Variants in NPR3 observed in about 807,000 individuals in gnomAD.
The protein encoded by NPR3 is natriuretic peptide receptor 3, also known as atrial natriuretic peptide receptor 3.
In NPR3, 34 loss-of-function variants were observed where a neutral mutation model predicts 54.5. That is an observed-to-expected ratio of 0.62 (90% CI 0.47 to 0.83). The LOEUF is 0.83. Ranked by LOEUF, NPR3 falls within the 40% of genes least tolerant of loss-of-function variation. The probability of loss-of-function intolerance (pLI) is 0.00; values close to 1 mark genes in which losing one functional copy is unlikely to be tolerated. For missense variants in NPR3, 674 were observed against 720.8 expected, an observed-to-expected ratio of 0.94 and a Z score of 0.74; for synonymous variants, 289 against 297.1, an observed-to-expected ratio of 0.97 and a Z score of 0.28.
In NPR3 at chr5:32,712,085, C is replaced by T. The variant is rs1561074830; in HGVS notation, c.309C>T (p.Tyr103=). 5 of 1,613,696 alleles carry T rather than the reference C, an allele frequency of 3.1e-6. No homozygotes were observed. Among genetic ancestry groups the T allele is most frequent in the Non-Finnish European group, 4.2e-6 (5 of 1,179,820 alleles). The change falls in exon 1 of 8, where the codon TAC becomes TAT. Residue 103 remains tyrosine, a synonymous_variant. Coordinates refer to ENST00000265074, the MANE Select transcript of NPR3 (RefSeq NM_001204375.2). ...CGGGCACTCGCTTCCAGGTGGCTTA[C>T]GAGGATTCAGACTGTGGGAACCGTG... ...LPPGTRFQVA[Y]EDSDCGNRAL...
rs1738249143 is a variant in NPR3, at chr5:32,711,803, C to G, written c.27C>G (p.Phe9Leu). 7 of 1,442,598 alleles carry G rather than the reference C, an allele frequency of 4.9e-6. No homozygotes were observed. Among genetic ancestry groups the G allele is most frequent in the Non-Finnish European group, 6.4e-6 (7 of 1,097,244 alleles). 89.4% of individuals were successfully genotyped at this position (1,442,598 alleles called of 1,614,324 possible). A position where few individuals can be genotyped will look rare whatever the true frequency, so the allele number is the denominator to read the frequency against. ...TGCCGTCTCTGCTGGTGCTCACTTT[C>G]TCCCCGTGCGTACTACTCGGCTGGG... is the stretch of plus-strand genomic sequence containing the variant. The part of the protein sequence containing the change: MPSLLVLT[F>L]SPCVLLGWAL... Residue 9 changes from phenylalanine (F) to leucine (L), a missense_variant, in exon 1 of 8, where the codon TTC (phenylalanine) becomes TTG (leucine). Transcript: ENST00000265074.
At chr5:32,729,366 G>A (rs1319173730) in intron 2 of NPR3, among the ~76,000 whole-genome samples, 2 of 152,036 alleles carry the variant, frequency 1.3e-5, no homozygotes, top group East Asian at 3.9e-4. Context: ...GTCAGGTGTG[G>A]AATTTTTCCA....
chr5:32,723,383 A>G (rs1252907591), intron 1 of NPR3, among the ~76,000 whole-genome samples: 3 of 152,224 alleles, frequency 2.0e-5, no homozygotes, highest in African/African-American at 7.2e-5. Flanking sequence ...AGTTGTGTGA[A>G]GCCTCTTGAA....
At chr5:32,734,691 G>A (rs1739636743) in intron 2 of NPR3, among the ~76,000 whole-genome samples, 1 of 152,214 alleles carries the variant, frequency 6.6e-6, no homozygotes, top group Non-Finnish European at 1.5e-5. Context: ...TGCAATGATG[G>A]CTATGTTCTA....
chr5:32,732,753 T>C (rs1269524926), intron 2 of NPR3, among the ~76,000 whole-genome samples: 1 of 152,226 alleles, frequency 6.6e-6, no homozygotes, highest in African/African-American at 2.4e-5. Context: ...GTTCAACATC[T>C]ACCTCTCCCT....
At chr5:32,768,171 C>T (rs1420067973) in intron 3 of NPR3, among the ~76,000 whole-genome samples, 1 of 152,140 alleles carries the variant, frequency 6.6e-6, no homozygotes, top group Non-Finnish European at 1.5e-5. Flanking sequence ...CTGCATGTGT[C>T]CCGAGCAGTC....
At chr5:32,756,274 G>A (rs1740834656) in intron 3 of NPR3, among the ~76,000 whole-genome samples, 1 of 152,150 alleles carries the variant, frequency 6.6e-6, no homozygotes, top group Non-Finnish European at 1.5e-5. Context: ...GTTGTTTCCT[G>A]ACTTTTTAAT....
intron 1 of NPR3, chr5:32,713,439 G>C: frequency 1.0e-6 from 1 of 985,482 alleles, no homozygotes; most frequent in Non-Finnish European, 1.2e-6. Context: ...TTTTACGGTA[G>C]GGTAGAATCT....
intron 2 of NPR3, among the ~76,000 whole-genome samples, chr5:32,736,509 A>G (rs907702324): frequency 1.2e-4 from 19 of 152,216 alleles, no homozygotes; most frequent in African/African-American, 4.6e-4. Context: ...CTAAGACATC[A>G]CCTCTACTGA....
intron 3 of NPR3, among the ~76,000 whole-genome samples, chr5:32,744,731 T>C (rs12514287): frequency 0.23 from 34,991 of 152,114 alleles, 4,081 homozygotes; most frequent in South Asian, 0.31. Flanking sequence ...AACTCAAACA[T>C]CACTTCCTCA....
At chr5:32,784,459 C>T (rs567810205) in intron 6 of NPR3, among the ~76,000 whole-genome samples, 10 of 152,236 alleles carry the variant, frequency 6.6e-5, no homozygotes, top group African/African-American at 2.2e-4. Context: ...AATTCTTTGA[C>T]TTTAAACTCA....
chr5:32,708,911 C>A (rs1738070886), upstream of NPR3, among the ~76,000 whole-genome samples: 1 of 139,088 alleles, frequency 7.2e-6, no homozygotes, highest in Non-Finnish European at 1.6e-5. Context: ...ATAACACTGG[C>A]TTTTTTTTTT....
intron 1 of NPR3, among the ~76,000 whole-genome samples, chr5:32,704,370 T>TTGTGTGTGTGTGTGTGTGTGTG (rs57959913): frequency 1.4e-5 from 2 of 146,786 alleles, no homozygotes; most frequent in African/African-American, 5.1e-5. Context: ...TTTTGGCTCT[T>TTGTGTGTGTGTGTGTGTGTGTG]TGTGTGTGTG....
intron 4 of NPR3, among the ~76,000 whole-genome samples, chr5:32,776,815 T>C (rs1742073779): frequency 6.6e-6 from 1 of 152,080 alleles, no homozygotes; most frequent in African/African-American, 2.4e-5. Context: ...AGTATATCTT[T>C]CAGAGCTATA....
chr5:32,773,987 G>C (rs754043756), intron 3 of NPR3, among the ~76,000 whole-genome samples: 3 of 152,168 alleles, frequency 2.0e-5, no homozygotes, highest in Non-Finnish European at 4.4e-5. Context: ...AGTTTCCTGA[G>C]GGCAAGGGCT....
chr5:32,724,350 G>A (rs1324819420), intron 1 of NPR3, among the ~76,000 whole-genome samples: 1 of 152,172 alleles, frequency 6.6e-6, no homozygotes, highest in Non-Finnish European at 1.5e-5. Context: ...CCATTTTAAA[G>A]AGCGTAGGCC....
At chr5:32,710,798 C>T, upstream of NPR3, 1 of 1,527,500 alleles carries the variant, frequency 6.5e-7, no homozygotes, top group East Asian at 2.5e-5. Context: ...GAGCAAGCGG[C>T]ACCTAAGGAT....
In NPR3 at chr5:32,711,843, G is replaced by C; in HGVS notation, c.67G>C (p.Gly23Arg). 6.8e-7 allele frequency: 1 copy of C among 1,460,714 alleles called. No individual in the cohort carries two copies. Among genetic ancestry groups the C allele is most frequent in the Non-Finnish European group, 9.0e-7 (1 of 1,108,134 alleles). 90.5% of individuals were successfully genotyped at this position (1,460,714 alleles called of 1,614,324 possible). ...VLLGWALLAG[G>R]TGGGGVGGGG... is the part of the protein sequence containing the mutation. ...ACTCGGCTGGGCGTTGCTGGCCGGC[G>C]GCACCGGTGGCGGTGGCGTTGGCGG... is the stretch of plus-strand genomic sequence containing the variant. Residue 23 changes from glycine (G) to arginine (R), a missense_variant, in exon 1 of 8, where the codon GGC becomes CGC. Coordinates refer to ENST00000265074, the MANE Select transcript of NPR3 (RefSeq NM_001204375.2).
rs755496653 is a variant in NPR3, at chr5:32,711,813, G to C, written c.37G>C (p.Val13Leu). ...SLLVLTFSPC[V>L]LLGWALLAGG... The stretch of plus-strand genomic sequence containing the variant: ...GCTGGTGCTCACTTTCTCCCCGTGC[G>C]TACTACTCGGCTGGGCGTTGCTGGC... The change falls in exon 1 of 8, where the codon GTA (valine) becomes CTA (leucine). Residue 13 changes from valine to leucine, a missense_variant. Val to Leu is a conservative substitution (Grantham distance 32, BLOSUM62 1). Transcript: ENST00000265074. The C allele has an allele frequency of 5.5e-6, 8 of 1,451,288 alleles. No individual in the cohort carries two copies. In the South Asian group the frequency reaches 1.2e-4, roughly 22 times the overall value. 89.9% of individuals were successfully genotyped at this position (1,451,288 alleles called of 1,614,324 possible).
Sources: gnomAD v4.1 joint callset for allele counts (sites outside exome capture counted in the v4.1 genomes callset) on GRCh38, gnomAD v4.1.1 for gene constraint, MANE v1.5 for transcripts, NCBI Gene and HGNC (gene_info 2026-07-23, HGNC 2026-07-21) for gene names.